The following CDK13 variants were observed in gnomAD, a reference collection of about 807,000 sequenced individuals.
CDK13 encodes cyclin-dependent kinase 13.
CDK13 carries 40 observed loss-of-function variants against 137.6 expected under a neutral mutation model. That is an observed-to-expected ratio of 0.29 (90% CI 0.23 to 0.38). The LOEUF is 0.38. Ranked by LOEUF, CDK13 falls within the 10% of genes least tolerant of loss-of-function variation. The probability of loss-of-function intolerance (pLI) is 1.00; values close to 1 mark genes in which losing one functional copy is unlikely to be tolerated. For synonymous variants in CDK13, 869 were observed against 760.1 expected, an observed-to-expected ratio of 1.14 and a Z score of -2.36; for missense variants, 1,704 against 1,951.8, an observed-to-expected ratio of 0.87 and a Z score of 2.39.
intron 9 of CDK13, chr7:40,073,268 T>G (rs1474574525): frequency 6.6e-6 from 1 of 152,220 alleles, no homozygotes; most frequent in Non-Finnish European, 1.5e-5. Flanking sequence ...ATATGATTTA[T>G]ATACCTGGAA....
At chr7:39,960,238 T>C (rs1787567858) in intron 1 of CDK13, among the ~76,000 whole-genome samples, 1 of 151,996 alleles carries the variant, frequency 6.6e-6, no homozygotes, top group Non-Finnish European at 1.5e-5. Flanking sequence ...TATAAGATAC[T>C]TACAGAATCA....
chr7:40,051,487 T>C (rs1356578444), intron 7 of CDK13, among the ~76,000 whole-genome samples: 1 of 152,236 alleles, frequency 6.6e-6, no homozygotes, highest in Non-Finnish European at 1.5e-5. Flanking sequence ...ATATTTCTGC[T>C]TCATTATAAA....
At chr7:40,014,286 C>T (rs904400201) in intron 5 of CDK13, among the ~76,000 whole-genome samples, 3 of 151,630 alleles carry the variant, frequency 2.0e-5, no homozygotes, top group African/African-American at 7.3e-5. Context: ...TCAGGCTGGT[C>T]TCGAACTCCT....
chr7:40,075,477 AAAATAAAATTTTATTG>A lies in CDK13; in HGVS notation c.2781-2514_2781-2499del, dbSNP rs543698988. Among the ~76,000 whole-genome samples, 458 of 152,236 alleles carry A rather than the reference AAAATAAAATTTTATTG, an allele frequency of 3.0e-3. 3 individuals carry two copies. The highest frequency in any genetic ancestry group is 0.01 in the African/African-American group (430 of 41,542). ...ATTTTTATTGAAATAAAATTTCAAT[AAAATAAAATTTTATTG>A]AAATAAAATTTTAGTATAATGAAAC... On this transcript the variant is annotated intron_variant, in intron 9 of 13. Transcript: ENST00000181839.
At chr7:40,073,870 G>A (rs1327611483) in intron 9 of CDK13, among the ~76,000 whole-genome samples, 15 of 149,428 alleles carry the variant, frequency 1.0e-4, no homozygotes, top group East Asian at 2.0e-4. Context: ...GATTACAGGC[G>A]TGAGCAACCG....
chr7:39,968,694 G>C (rs905996925), intron 1 of CDK13, among the ~76,000 whole-genome samples: 2 of 152,160 alleles, frequency 1.3e-5, no homozygotes, highest in Non-Finnish European at 2.9e-5. Flanking sequence ...ATACTCTTTG[G>C]ATTAACATAG....
At chr7:39,991,466 C>T (rs1675057221) in intron 2 of CDK13, among the ~76,000 whole-genome samples, 1 of 148,856 alleles carries the variant, frequency 6.7e-6, no homozygotes, top group African/African-American at 2.5e-5. Flanking sequence ...CTGTTGTATC[C>T]ACAAATACAT....
At chr7:40,003,493 G>C (rs1243824229) in intron 5 of CDK13, among the ~76,000 whole-genome samples, 2 of 152,118 alleles carry the variant, frequency 1.3e-5, no homozygotes, top group Non-Finnish European at 2.9e-5. Context: ...TGGGTCTTGA[G>C]ACTTAGTGTA....
At chr7:40,066,795 T>G (rs1224695752) in intron 9 of CDK13, 4 of 152,232 alleles carry the variant, frequency 2.6e-5, no homozygotes, top group African/African-American at 9.6e-5. Context: ...ATCCTCTGTT[T>G]AAAGAGAAAG....
At position 40,098,239 on chromosome 7, in the gene CDK13, C is replaced by A. The variant is rs767849943; in HGVS notation, c.*3259C>A. ...GCAATGGCCTATTTGTAAGAAATAT[C>A]AAGACTTCTTGAGAAAAATGAAAAG... On this transcript the variant is annotated 3_prime_UTR_variant, in exon 14 of 14. Coordinates refer to ENST00000181839, the MANE Select transcript of CDK13 (RefSeq NM_003718.5). 5 of 151,992 alleles carry A rather than the reference C, an allele frequency of 3.3e-5. No individual in the cohort carries two copies. Among genetic ancestry groups the A allele is most frequent in the Non-Finnish European group, 7.4e-5 (5 of 67,956 alleles). The allele number at this position is 151,992 out of a possible 1,614,324, so 9.4% of individuals were successfully genotyped here.
intron 11 of CDK13, among the ~76,000 whole-genome samples, chr7:40,083,516 C>T (rs1355708043): frequency 1.3e-5 from 2 of 152,110 alleles, no homozygotes; most frequent in African/African-American, 4.8e-5. Flanking sequence ...TGCTACTTTG[C>T]CAGTCCATTT....
intron 5 of CDK13, among the ~76,000 whole-genome samples, chr7:40,012,255 C>T (rs547355456): frequency 2.6e-5 from 4 of 152,134 alleles, no homozygotes; most frequent in African/African-American, 9.6e-5. Flanking sequence ...ATGGCCTTTC[C>T]CCCAAAAATC....
intron 5 of CDK13, among the ~76,000 whole-genome samples, chr7:40,040,739 A>G (rs1244596574): frequency 6.6e-6 from 1 of 152,166 alleles, no homozygotes; most frequent in African/African-American, 2.4e-5. Flanking sequence ...GCTATTACTA[A>G]TGGGGTCTTC....
At chr7:40,035,789 T>G (rs1256558347) in intron 5 of CDK13, among the ~76,000 whole-genome samples, 1 of 65,792 alleles carries the variant, frequency 1.5e-5, no homozygotes, top group Non-Finnish European at 2.9e-5. Context: ...CGTCCCCCCA[T>G]CCCCCCATCC....
At chr7:40,091,392 G>C (rs1159303674) in intron 12 of CDK13, among the ~76,000 whole-genome samples, 1 of 151,218 alleles carries the variant, frequency 6.6e-6, no homozygotes, top group South Asian at 2.1e-4. Flanking sequence ...ATGGTGGCAC[G>C]CGCCTGTAAT....
chr7:39,996,789 C>G (rs1388673080), intron 2 of CDK13, among the ~76,000 whole-genome samples: 1 of 151,502 alleles, frequency 6.6e-6, no homozygotes, highest in Non-Finnish European at 1.5e-5. Flanking sequence ...ATGGTGAAAC[C>G]CCGTCTCTAT....
At chr7:40,092,423 A>G in intron 12 of CDK13, 1 of 192,534 alleles carries the variant, frequency 5.2e-6, no homozygotes, top group South Asian at 1.1e-4. Flanking sequence ...AAAGGATATT[A>G]AATGCTTAGA....
chr7:40,022,165 C>T (rs1320837579), intron 5 of CDK13, among the ~76,000 whole-genome samples: 1 of 152,196 alleles, frequency 6.6e-6, no homozygotes, highest in Non-Finnish European at 1.5e-5. Context: ...TTCTTAGGGC[C>T]TCTTTTTGGT....
intron 9 of CDK13, among the ~76,000 whole-genome samples, 167 bp downstream of exon 9, chr7:40,063,267 G>C (rs1349735937): frequency 6.6e-6 from 1 of 152,146 alleles, no homozygotes; most frequent in Non-Finnish European, 1.5e-5. Context: ...TTTGATACTT[G>C]TTCCAGTGAA....
Sources: allele counts gnomAD v4.1 joint callset (sites outside exome capture counted in the v4.1 genomes callset), GRCh38; gene constraint gnomAD v4.1.1; transcripts MANE v1.5; gene names NCBI Gene and HGNC (gene_info 2026-07-23, HGNC 2026-07-21).